Variants in ZFYVE9 observed in about 807,000 individuals in gnomAD.
ZFYVE9 encodes zinc finger FYVE-type containing 9.
In ZFYVE9, 43 loss-of-function variants were observed where a neutral mutation model predicts 126.7. The ratio of observed to expected loss-of-function variants is 0.34; its 90% CI spans 0.27 to 0.44. The LOEUF (loss-of-function observed/expected upper bound fraction) is 0.44. ZFYVE9 is among the 20% of genes least tolerant of loss of function. The probability of loss-of-function intolerance (pLI) is 1.00; values close to 1 mark genes in which losing one functional copy is unlikely to be tolerated. For synonymous variants in ZFYVE9, 521 were observed against 597.4 expected, an observed-to-expected ratio of 0.87 and a Z score of 1.87; for missense variants, 1,476 against 1,697.0, an observed-to-expected ratio of 0.87 and a Z score of 2.29.
intron 2 of ZFYVE9, among the ~76,000 whole-genome samples, chr1:52,218,971 G>T (rs1645097899): frequency 6.6e-6 from 1 of 152,112 alleles, no homozygotes; most frequent in African/African-American, 2.4e-5. Flanking sequence ...TTACACTGGT[G>T]GTTTTGGCAA....
At chr1:52,260,468 T>C (rs1645567470) in intron 4 of ZFYVE9, among the ~76,000 whole-genome samples, 1 of 151,996 alleles carries the variant, frequency 6.6e-6, no homozygotes, top group Non-Finnish European at 1.5e-5. Context: ...TTCCTTTTTT[T>C]TCTCCCTACA....
chr1:52,247,316 T>TG (rs1005566630), intron 4 of ZFYVE9, among the ~76,000 whole-genome samples: 5 of 152,330 alleles, frequency 3.3e-5, no homozygotes, highest in Admixed American at 6.5e-5. Flanking sequence ...TCTCTTCTCC[T>TG]GAAAGCCATC....
chr1:52,312,002 GCTGGTCTCGAACTC>G (rs1228914499), intron 13 of ZFYVE9, among the ~76,000 whole-genome samples: 3 of 151,998 alleles, frequency 2.0e-5, no homozygotes, highest in Non-Finnish European at 4.4e-5. Context: ...TGTTGGCCAG[GCTGGTCTCGAACTC>G]CTGACCTTAG....
chr1:52,157,085 G>C (rs1644409902), intron 1 of ZFYVE9, among the ~76,000 whole-genome samples: 1 of 152,116 alleles, frequency 6.6e-6, no homozygotes, highest in African/African-American at 2.4e-5. Context: ...GCCTGCCTCG[G>C]CCTCCGAAAG....
chr1:52,231,801 A>G (rs1290134399), intron 2 of ZFYVE9, among the ~76,000 whole-genome samples: 1 of 151,528 alleles, frequency 6.6e-6, no homozygotes, highest in Non-Finnish European at 1.5e-5. Context: ...TTTTTTGTGT[A>G]TTTTTACTAG....
At chr1:52,225,402 G>T (rs1645161079) in intron 2 of ZFYVE9, among the ~76,000 whole-genome samples, 2 of 152,240 alleles carry the variant, frequency 1.3e-5, no homozygotes, top group Non-Finnish European at 2.9e-5. Context: ...GTAGTGAAAA[G>T]AAACCCGCAT....
chr1:52,327,767 A>C (rs1019512082), intron 13 of ZFYVE9, among the ~76,000 whole-genome samples: 1 of 152,018 alleles, frequency 6.6e-6, no homozygotes, highest in Non-Finnish European at 1.5e-5. Flanking sequence ...TAAGCTCAGG[A>C]GTTTGAGACC....
chr1:52,328,760 G>A (rs1458931863), intron 13 of ZFYVE9, among the ~76,000 whole-genome samples: 1 of 152,196 alleles, frequency 6.6e-6, no homozygotes, highest in East Asian at 1.9e-4. Context: ...AGTTGGCTTT[G>A]CTAAGCAGAA....
chr1:52,267,425 T>C (rs1389531078), intron 6 of ZFYVE9, among the ~76,000 whole-genome samples: 1 of 152,208 alleles, frequency 6.6e-6, no homozygotes, highest in Admixed American at 6.5e-5. Flanking sequence ...ATGATAATAT[T>C]GTCAGATGAA....
intron 7 of ZFYVE9, among the ~76,000 whole-genome samples, chr1:52,272,367 T>C (rs886212283): frequency 8.5e-5 from 13 of 152,220 alleles, no homozygotes; most frequent in African/African-American, 3.1e-4. Flanking sequence ...TATGCACTTT[T>C]TCTGTCAGTA....
At chr1:52,290,163 G>C (rs1396775093) in intron 10 of ZFYVE9, among the ~76,000 whole-genome samples, 1 of 152,198 alleles carries the variant, frequency 6.6e-6, no homozygotes, top group African/African-American at 2.4e-5. Context: ...CAAGATTGAG[G>C]GGTAGGCATC....
chr1:52,272,673 C>CTTTTTTTTTTTTTTTT (rs58857376), intron 7 of ZFYVE9, among the ~76,000 whole-genome samples: 13 of 121,258 alleles, frequency 1.1e-4, no homozygotes, highest in African/African-American at 3.4e-4. Context: ...TAGAAATAAT[C>CTTTTTTTTTTTTTTTT]TTTTTTTTTT....
At chr1:52,250,168 T>C (rs1645429640) in intron 4 of ZFYVE9, among the ~76,000 whole-genome samples, 1 of 152,216 alleles carries the variant, frequency 6.6e-6, no homozygotes, top group Admixed American at 6.5e-5. Context: ...AGGGTTTTGA[T>C]AGAGATTGCG....
chr1:52,220,858 A>G (rs346556), intron 2 of ZFYVE9, among the ~76,000 whole-genome samples: 122,008 of 152,148 alleles, frequency 0.8, 49,932 homozygotes, highest in East Asian at 1. Flanking sequence ...GTGCCTTTTC[A>G]GAAGAGGCAG....
At chr1:52,321,552 T>A (rs940204451) in intron 13 of ZFYVE9, among the ~76,000 whole-genome samples, 1 of 152,216 alleles carries the variant, frequency 6.6e-6, no homozygotes, top group Non-Finnish European at 1.5e-5. Flanking sequence ...CTCCACTGAC[T>A]GCAAGAGGAG....
chr1:52,183,828 A>AG (rs921477151), intron 1 of ZFYVE9, among the ~76,000 whole-genome samples: 1 of 148,630 alleles, frequency 6.7e-6, no homozygotes, highest in African/African-American at 2.5e-5. Flanking sequence ...TTAATGTATA[A>AG]GCTTGTCAGA....
At chr1:52,212,302 GC>G (rs1557460046) in intron 1 of ZFYVE9, among the ~76,000 whole-genome samples, 2 of 152,074 alleles carry the variant, frequency 1.3e-5, no homozygotes, top group Non-Finnish European at 2.9e-5. Flanking sequence ...ATGCCACTAT[GC>G]CTGGCTAATT....
intron 1 of ZFYVE9, among the ~76,000 whole-genome samples, chr1:52,200,726 T>C (rs956629288): frequency 1.3e-5 from 2 of 152,232 alleles, no homozygotes; most frequent in Non-Finnish European, 2.9e-5. Flanking sequence ...ATATGTTGGA[T>C]GTCTAGTTCC....
chr1:52,273,148 A>C (rs2147807966), intron 7 of ZFYVE9, among the ~76,000 whole-genome samples: 1 of 152,042 alleles, frequency 6.6e-6, no homozygotes, highest in Non-Finnish European at 1.5e-5. Flanking sequence ...CTGAGATTAC[A>C]GGCATGCGCC....
Sources: allele counts gnomAD v4.1 joint callset (sites outside exome capture counted in the v4.1 genomes callset), GRCh38; gene constraint gnomAD v4.1.1; transcripts MANE v1.5; gene names NCBI Gene and HGNC (gene_info 2026-07-23, HGNC 2026-07-21).